Variants in SMCO4 observed in about 807,000 individuals in gnomAD.
SMCO4 encodes the protein single-pass membrane protein with coiled-coil domains 4, also known as single-pass membrane and coiled-coil domain-containing protein 4.
In SMCO4, 4 loss-of-function variants were observed where a neutral mutation model predicts 3.6. That is an observed-to-expected ratio of 1.11 (90% CI 0.54 to 2.53). The LOEUF (loss-of-function observed/expected upper bound fraction) is 2.53. SMCO4 is among the 30% of genes most tolerant of loss of function. SMCO4 has a pLI of 0.02. For missense variants in SMCO4, 70 were observed against 80.8 expected (o/e 0.87, Z 0.51); for synonymous variants, 36 against 35.3 (o/e 1.02, Z -0.07).
chr11:93,503,404 C>A (rs1364311849), intron 1 of SMCO4, among the ~76,000 whole-genome samples: 1 of 152,170 alleles, frequency 6.6e-6, no homozygotes, highest in Admixed American at 6.5e-5. Flanking sequence ...CCCAACAGTT[C>A]CCTCCCACAA....
At chr11:93,493,579 C>T (rs1432012749) in intron 2 of SMCO4, among the ~76,000 whole-genome samples, 1 of 152,184 alleles carries the variant, frequency 6.6e-6, no homozygotes, top group Non-Finnish European at 1.5e-5. Context: ...CTCCTGATTC[C>T]TCAATTTCCA....
chr11:93,514,699 C>G (rs903947860), intron 1 of SMCO4, among the ~76,000 whole-genome samples: 2 of 152,142 alleles, frequency 1.3e-5, no homozygotes, highest in African/African-American at 4.8e-5. Context: ...CAATTAATAG[C>G]TGATTAAATG....
At chr11:93,511,513 T>C (rs1948956863) in intron 1 of SMCO4, among the ~76,000 whole-genome samples, 1 of 152,192 alleles carries the variant, frequency 6.6e-6, no homozygotes, top group Admixed American at 6.5e-5. Context: ...TTTCTCCAGG[T>C]ACTCTGGTTT....
At chr11:93,513,242 T>A (rs943353076) in intron 1 of SMCO4, among the ~76,000 whole-genome samples, 1 of 152,134 alleles carries the variant, frequency 6.6e-6, no homozygotes, top group African/African-American at 2.4e-5. Context: ...ACTATACAGG[T>A]TGTTGTGGGA....
In SMCO4 at chr11:93,512,590, T is replaced by C. The variant is rs118171208; in HGVS notation, c.-153-13242A>G. On this transcript the variant is annotated intron_variant, in intron 1 of 2. Coordinates refer to ENST00000298966, the MANE Select transcript of SMCO4 (RefSeq NM_020179.3). ...TGTTTAGATACACAAATGCTTACCA[T>C]TGTGTTATAACTGCCTACAGTATCC... 3.5e-3 allele frequency among the ~76,000 whole-genome samples: 527 copies of C among 152,372 alleles called. 16 individuals carry two copies. The East Asian group carries it at 0.073, about 21-fold the overall frequency.
At position 93,534,375 on chromosome 11, in the gene SMCO4, TAGAGAG is replaced by T. The variant is rs1555079957; in HGVS notation, c.-154+8895_-154+8900del. ...ACACATACATATATATATATATATA[TAGAGAG>T]AGAGAGAGAGAGAGATACATATATA... On this transcript the variant is annotated intron_variant, in intron 1 of 2. Coordinates refer to ENST00000298966, the MANE Select transcript of SMCO4 (RefSeq NM_020179.3). Among the ~76,000 whole-genome samples the T allele has an allele frequency of 3.5e-5, 5 of 142,132 alleles. No homozygotes were observed. The South Asian group carries it at 6.7e-4, about 19-fold the overall frequency. 93.2% of individuals were successfully genotyped at this position (142,132 alleles called of 152,430 possible). A position where few individuals can be genotyped will look rare whatever the true frequency, so the allele number is the denominator to read the frequency against.
upstream of SMCO4, among the ~76,000 whole-genome samples, chr11:93,546,065 T>A (rs1949313510): frequency 1.3e-5 from 2 of 152,194 alleles, no homozygotes; most frequent in African/African-American, 2.4e-5. Flanking sequence ...AAAATGGTGG[T>A]TGTTTCAAAT....
chr11:93,529,786 G>A (rs1949145674), intron 1 of SMCO4, among the ~76,000 whole-genome samples: 1 of 152,248 alleles, frequency 6.6e-6, no homozygotes, highest in Non-Finnish European at 1.5e-5. Context: ...GGCCAGGCCC[G>A]CTGAGGGCCA....
At chr11:93,508,252 T>G (rs1390655173) in intron 1 of SMCO4, among the ~76,000 whole-genome samples, 2 of 152,084 alleles carry the variant, frequency 1.3e-5, no homozygotes, top group Non-Finnish European at 2.9e-5. Context: ...TCTCCAACAC[T>G]GGGATGGGGC....
At chr11:93,530,652 C>T (rs1050271406) in intron 1 of SMCO4, among the ~76,000 whole-genome samples, 6 of 152,036 alleles carry the variant, frequency 3.9e-5, no homozygotes, top group Non-Finnish European at 8.8e-5. Context: ...TTCTTTACTC[C>T]CAACCTCTCC....
intron 1 of SMCO4, among the ~76,000 whole-genome samples, chr11:93,501,077 C>T (rs1017341590): frequency 1.4e-4 from 21 of 152,202 alleles, no homozygotes; most frequent in Admixed American, 6.5e-4. Flanking sequence ...CTGCTCGTCC[C>T]AGACCTATAG....
intron 1 of SMCO4, among the ~76,000 whole-genome samples, chr11:93,516,325 A>G (rs761080689): frequency 2.6e-5 from 4 of 152,182 alleles, no homozygotes; most frequent in Non-Finnish European, 4.4e-5. Flanking sequence ...TCCTGTAAAC[A>G]TAACTGCTAA....
intron 1 of SMCO4, among the ~76,000 whole-genome samples, chr11:93,534,155 C>T (rs1207510155): frequency 2.0e-5 from 3 of 148,206 alleles, no homozygotes; most frequent in Non-Finnish European, 3.0e-5. Flanking sequence ...CGCGGCACAG[C>T]ACTCCAGCCT....
rs56700138 is a variant in SMCO4 at position 93,514,413 on chromosome 11, T to TAC, written c.-153-15066_-153-15065insGT. On this transcript the variant is annotated intron_variant, in intron 1 of 2. Coordinates refer to ENST00000298966, the MANE Select transcript of SMCO4 (RefSeq NM_020179.3). ...ATATATATATATATATATATATATATATATATATAAAATTTGGTCTCTTCC... is the reference window on the plus strand; with the variant it reads ...ATATATATATATATATATATATATATACATATATATAAAATTTGGTCTCTTCC... 9.4e-4 allele frequency among the ~76,000 whole-genome samples: 32 copies of TAC among 33,960 alleles called. 3 individuals are homozygous for TAC. Among genetic ancestry groups the TAC allele is most frequent in the African/African-American group, 2.8e-3 (30 of 10,720 alleles). The allele number at this position is 33,960 out of a possible 152,430, so 22.3% of individuals were successfully genotyped here.
chr11:93,481,820 C>T (rs543554674), intron 2 of SMCO4, among the ~76,000 whole-genome samples: 79 of 152,330 alleles, frequency 5.2e-4, no homozygotes, highest in Middle Eastern at 3.4e-3. Flanking sequence ...TGTCGGAGCC[C>T]GCTGCTGTCT....
chr11:93,507,715 A>G (rs895186694), intron 1 of SMCO4, among the ~76,000 whole-genome samples: 2 of 152,230 alleles, frequency 1.3e-5, no homozygotes, highest in African/African-American at 4.8e-5. Context: ...ACCTGGGTCA[A>G]GTTCTGATAT....
At chr11:93,545,450 G>A (rs1949308528), upstream of SMCO4, among the ~76,000 whole-genome samples, 1 of 152,136 alleles carries the variant, frequency 6.6e-6, no homozygotes. Flanking sequence ...AGCTGGGCGT[G>A]GTGGCAGGCA....
At chr11:93,514,374 CTATATATATATATATATATATATATATA>C (rs148462986) in intron 1 of SMCO4, among the ~76,000 whole-genome samples, 8 of 39,096 alleles carry the variant, frequency 2.0e-4, no homozygotes, top group African/African-American at 3.2e-4. Context: ...CAGGATGAGG[CTATATATATATATATATATATATATATA>C]TATATATATA....
chr11:93,552,279 A>ACCAC, the SMCO4 span, among the ~76,000 whole-genome samples: 1 of 147,162 alleles, frequency 6.8e-6, no homozygotes, highest in East Asian at 2.0e-4. Flanking sequence ...AATTGGGATT[A>ACCAC]CAGGCATGCA....
Sources: gnomAD v4.1 joint callset for allele counts (sites outside exome capture counted in the v4.1 genomes callset) on GRCh38, gnomAD v4.1.1 for gene constraint, MANE v1.5 for transcripts, NCBI Gene and HGNC (gene_info 2026-07-23, HGNC 2026-07-21) for gene names.